The following FNBP1 variants were observed in gnomAD, a reference collection of about 807,000 sequenced individuals.
FNBP1 encodes the protein formin binding protein 1.
FNBP1 carries 26 observed loss-of-function variants against 90.6 expected under a neutral mutation model. The ratio of observed to expected loss-of-function variants is 0.29; its 90% confidence interval spans 0.21 to 0.40. The LOEUF (loss-of-function observed/expected upper bound fraction) is 0.40. FNBP1 is among the 10% of genes least tolerant of loss of function. The probability of loss-of-function intolerance (pLI) is 1.00; values close to 1 mark genes in which losing one functional copy is unlikely to be tolerated. For missense variants in FNBP1, 635 were observed against 768.0 expected (o/e 0.83, Z 2.05); for synonymous variants, 260 against 265.2 (o/e 0.98, Z 0.19).
At chr9:129,918,780 C>G (rs1233126165) in intron 10 of FNBP1, among the ~76,000 whole-genome samples, 1 of 151,620 alleles carries the variant, frequency 6.6e-6, no homozygotes, top group South Asian at 2.1e-4. Flanking sequence ...GTGTTTTATG[C>G]GTGAAATTCT....
intron 8 of FNBP1, among the ~76,000 whole-genome samples, chr9:129,926,489 G>A (rs2041929814): frequency 6.6e-6 from 1 of 152,128 alleles, no homozygotes. Context: ...CTCGGGGAGT[G>A]CTACTGGCCT....
At chr9:130,003,161 A>G (rs577014374) in intron 1 of FNBP1, among the ~76,000 whole-genome samples, 19 of 152,158 alleles carry the variant, frequency 1.2e-4, no homozygotes, top group African/African-American at 4.6e-4. Context: ...AATCTGTAAT[A>G]AAAACCCAAA....
At chr9:130,029,303 G>A (rs2058610328) in intron 1 of FNBP1, among the ~76,000 whole-genome samples, 2 of 152,004 alleles carry the variant, frequency 1.3e-5, no homozygotes, top group African/African-American at 4.8e-5. Context: ...TTGTAGAGAT[G>A]GAGTTTCACC....
At chr9:129,975,924 A>AG (rs71385497) in intron 4 of FNBP1, among the ~76,000 whole-genome samples, 3 of 149,528 alleles carry the variant, frequency 2.0e-5, no homozygotes, top group Non-Finnish European at 4.5e-5. Context: ...AAAAAAAAAA[A>AG]GGAGAGAGAC....
intron 1 of FNBP1, among the ~76,000 whole-genome samples, chr9:130,016,954 A>C (rs1211931166): frequency 4.6e-5 from 7 of 152,076 alleles, no homozygotes; most frequent in African/African-American, 1.7e-4. Context: ...AGCTGTTAAA[A>C]ATGTCATTTG....
intron 12 of FNBP1, among the ~76,000 whole-genome samples, chr9:129,904,541 CAA>C (rs916260093): frequency 6.6e-6 from 1 of 152,064 alleles, no homozygotes; most frequent in Non-Finnish European, 1.5e-5. Flanking sequence ...AAAGACAAAC[CAA>C]AAGATACATT....
chr9:129,967,982 CTT>C (rs781442852), intron 4 of FNBP1, among the ~76,000 whole-genome samples: 34 of 140,088 alleles, frequency 2.4e-4, no homozygotes, highest in Admixed American at 6.5e-4. Context: ...AGCTGGAAAA[CTT>C]TTTTTTTTTT....
rs937465432 is a variant in FNBP1, at chr9:129,889,096, G to C, written c.*1443C>G. Reference sequence around the variant, plus strand: ...TAAGGCGTGGCGGGGGGGGGGGGTGGTGGCCACAGATTAGGGGACCTCAGG... The same window carrying C: ...TAAGGCGTGGCGGGGGGGGGGGGTGCTGGCCACAGATTAGGGGACCTCAGG... On this transcript the variant is annotated 3_prime_UTR_variant, in exon 17 of 17. Coordinates refer to ENST00000446176, the MANE Select transcript of FNBP1 (RefSeq NM_015033.3). 4.7e-6 allele frequency: 1 copy of C among 212,146 alleles called. No homozygotes were observed. The highest frequency in any genetic ancestry group is 9.5e-6 in the Non-Finnish European group (1 of 105,458). The allele number at this position is 212,146 out of a possible 1,614,324, so 13.1% of individuals were successfully genotyped here.
At chr9:129,899,080 CTTTT>C (rs58059037) in intron 15 of FNBP1, among the ~76,000 whole-genome samples, 2 of 141,964 alleles carry the variant, frequency 1.4e-5, no homozygotes, top group Non-Finnish European at 3.1e-5. Context: ...GCTGCTGCAG[CTTTT>C]TTTTTTTTTT....
At chr9:129,995,360 C>T (rs1054644960) in intron 1 of FNBP1, among the ~76,000 whole-genome samples, 6 of 151,996 alleles carry the variant, frequency 3.9e-5, no homozygotes, top group Non-Finnish European at 7.4e-5. Flanking sequence ...GAATCTGAGC[C>T]GAGGAACGGG....
At chr9:129,991,520 G>A (rs1054288571) in intron 2 of FNBP1, among the ~76,000 whole-genome samples, 1 of 151,938 alleles carries the variant, frequency 6.6e-6, no homozygotes, top group African/African-American at 2.4e-5. Context: ...TACCCACCTC[G>A]GCCTCCTGAA....
intron 2 of FNBP1, among the ~76,000 whole-genome samples, chr9:129,985,564 T>G (rs918794931): frequency 6.6e-6 from 1 of 151,862 alleles, no homozygotes; most frequent in African/African-American, 2.4e-5. Context: ...GCCTGTAATC[T>G]CAGCAGTTTG....
chr9:130,042,936 C>T lies in FNBP1; in HGVS notation c.24+16G>A. 7 of 1,231,316 alleles carry T rather than the reference C, an allele frequency of 5.7e-6. No homozygotes were observed. The highest frequency in any genetic ancestry group is 7.1e-6 in the Non-Finnish European group (7 of 987,124). 76.3% of individuals were successfully genotyped at this position (1,231,316 alleles called of 1,614,324 possible). On this transcript the variant is annotated intron_variant, in intron 1 of 16. Transcript: ENST00000446176. This position sits in a 1 kb window ranked among gnomAD's most constrained non-coding sequence, Gnocchi z 5.5. ...GCGCGCCCCGCATCTGCCCGCGGGC[C>T]CAGCCCCTCACTCACCCAGAGCTCG... is the stretch of plus-strand genomic sequence containing the variant.
chr9:130,025,165 A>G (rs573105944), intron 1 of FNBP1, among the ~76,000 whole-genome samples: 114 of 151,104 alleles, frequency 7.5e-4, no homozygotes, highest in African/African-American at 2.7e-3. Flanking sequence ...GGGTGACAGA[A>G]CGAGACTCTA....
At chr9:129,944,002 A>AAAAAAAC (rs1554803595) in intron 6 of FNBP1, among the ~76,000 whole-genome samples, 2 of 150,082 alleles carry the variant, frequency 1.3e-5, no homozygotes, top group South Asian at 2.1e-4. Flanking sequence ...CAAAAAAAAA[A>AAAAAAAC]AAAAAAACCT....
chr9:129,924,115 C>G, intron 9 of FNBP1, 89 bp from the exon 10 acceptor site: 3 of 1,304,470 alleles, frequency 2.3e-6, no homozygotes, highest in Non-Finnish European at 3.1e-6. Flanking sequence ...TATTTGAAAT[C>G]CAACGCAAGT....
intron 1 of FNBP1, among the ~76,000 whole-genome samples, chr9:129,997,104 C>G (rs1003656190): frequency 7.9e-5 from 12 of 151,876 alleles, no homozygotes; most frequent in Non-Finnish European, 1.8e-4. Flanking sequence ...GCGGGTGGAT[C>G]ACTTGAAGCC....
intron 11 of FNBP1, among the ~76,000 whole-genome samples, chr9:129,912,965 A>ATTAC (rs2039593641): frequency 6.6e-6 from 1 of 152,152 alleles, no homozygotes; most frequent in Non-Finnish European, 1.5e-5. Context: ...CACACCTGTA[A>ATTAC]TCCCAGCACT....
At chr9:129,908,758 G>C (rs1302278078) in intron 12 of FNBP1, 132 bp downstream of exon 12, 2 of 604,218 alleles carry the variant, frequency 3.3e-6, no homozygotes. Context: ...TCACCATGTA[G>C]GCCAGGATGG....
Sources: allele counts gnomAD v4.1 joint callset (sites outside exome capture counted in the v4.1 genomes callset), GRCh38; gene constraint gnomAD v4.1.1; non-coding constraint Gnocchi (gnomAD v3.1); transcripts MANE v1.5; gene names NCBI Gene and HGNC (gene_info 2026-07-23, HGNC 2026-07-21).